Variants in RAD51C observed in about 807,000 individuals in gnomAD.
RAD51C encodes the protein DNA repair protein RAD51 homolog 3.
RAD51C carries 42 observed loss-of-function variants against 45.0 expected under a neutral mutation model. The observed-to-expected ratio is 0.93, with a 90% CI of 0.73 to 1.21. RAD51C has a LOEUF of 1.21. RAD51C is among the 50% of genes most tolerant of loss of function. The pLI, the probability that RAD51C is intolerant of heterozygous loss-of-function variation, is 0.00. For missense variants in RAD51C, 474 were observed against 452.2 expected, an observed-to-expected ratio of 1.05 and a Z score of -0.44; for synonymous variants, 172 against 159.8, an observed-to-expected ratio of 1.08 and a Z score of -0.58.
At chr17:58,710,691 G>A (rs540760047) in intron 5 of RAD51C, among the ~76,000 whole-genome samples, 3 of 152,220 alleles carry the variant, frequency 2.0e-5, no homozygotes, top group South Asian at 2.1e-4. Context: ...AAACATAACC[G>A]GTGTAAACAA....
chr17:58,706,275 A>T (rs1184296420), intron 4 of RAD51C, among the ~76,000 whole-genome samples: 1 of 151,802 alleles, frequency 6.6e-6, no homozygotes, highest in Non-Finnish European at 1.5e-5. Context: ...AAAAATACAA[A>T]AATTAGCCGG....
intron 2 of RAD51C, 71 bp downstream of exon 2, chr17:58,695,260 G>C (rs376780225): frequency 6.6e-7 from 1 of 1,522,744 alleles, no homozygotes; most frequent in Non-Finnish European, 8.8e-7. Context: ...TTGTACTATC[G>C]TCAGGAAACC....
intron 5 of RAD51C, among the ~76,000 whole-genome samples, chr17:58,716,594 C>G (rs1020678339): frequency 6.8e-6 from 1 of 147,588 alleles, no homozygotes; most frequent in African/African-American, 2.5e-5. Flanking sequence ...TCCCTAGTAG[C>G]TGGGACTACA....
chr17:58,719,811 C>T (rs905759847), intron 5 of RAD51C, among the ~76,000 whole-genome samples: 1 of 149,068 alleles, frequency 6.7e-6, no homozygotes, highest in Non-Finnish European at 1.5e-5. Context: ...TCACTGCAGG[C>T]TCTGCTCCCC....
chr17:58,704,260 G>C (rs1198012066), intron 4 of RAD51C, among the ~76,000 whole-genome samples: 3 of 151,636 alleles, frequency 2.0e-5, no homozygotes, highest in African/African-American at 7.3e-5. Context: ...TCCTTGGCTT[G>C]CCTTTATTTA....
chr17:58,701,245 CT>C (rs10716242), intron 3 of RAD51C, among the ~76,000 whole-genome samples: 152,001 of 152,008 alleles, frequency 1, 75,997 homozygotes, highest in Middle Eastern at 1. Context: ...TGGTGACTCA[CT>C]GCCTGTAATC....
At chr17:58,717,422 C>T (rs1489738174) in intron 5 of RAD51C, among the ~76,000 whole-genome samples, 4 of 151,618 alleles carry the variant, frequency 2.6e-5, no homozygotes, top group Non-Finnish European at 2.9e-5. Flanking sequence ...AGAGTGAGAC[C>T]CCATTTCTAA....
intron 3 of RAD51C, 152 bp from the exon 4 acceptor site, chr17:58,703,044 G>C (rs560449889): frequency 1.4e-5 from 11 of 807,006 alleles, no homozygotes; most frequent in African/African-American, 5.2e-5. Flanking sequence ...ATTATGAACT[G>C]TTTATAGTAA....
At chr17:58,707,258 C>T (rs1203129484) in intron 4 of RAD51C, among the ~76,000 whole-genome samples, 2 of 152,196 alleles carry the variant, frequency 1.3e-5, no homozygotes, top group African/African-American at 2.4e-5. Flanking sequence ...GTGGCTCACA[C>T]CTGTAATCCC....
At chr17:58,698,006 C>T (rs1292881005) in intron 3 of RAD51C, among the ~76,000 whole-genome samples, 1 of 151,844 alleles carries the variant, frequency 6.6e-6, no homozygotes, top group Non-Finnish European at 1.5e-5. Context: ...GCCACCGCAC[C>T]CGGCCAATTT....
chr17:58,710,328 A>AC (rs1373115182), intron 5 of RAD51C, among the ~76,000 whole-genome samples: 1 of 150,372 alleles, frequency 6.7e-6, no homozygotes, highest in Non-Finnish European at 1.5e-5. Flanking sequence ...AAAAAAAAAA[A>AC]AAAAAAAAAA....
intron 3 of RAD51C, chr17:58,700,261 G>C (rs1332247515): frequency 6.6e-6 from 1 of 151,992 alleles, no homozygotes; most frequent in Non-Finnish European, 1.5e-5. Context: ...TCCATCTTTT[G>C]TCAGTCCGAT....
At chr17:58,711,007 G>A (rs866514787) in intron 5 of RAD51C, among the ~76,000 whole-genome samples, 1 of 152,118 alleles carries the variant, frequency 6.6e-6, no homozygotes, top group South Asian at 2.1e-4. Flanking sequence ...AACTTCCTCA[G>A]TAAAGTCATT....
chr17:58,703,402 C>G (rs372386600), intron 4 of RAD51C, 73 bp downstream of exon 4: 1 of 1,503,908 alleles, frequency 6.6e-7, no homozygotes, highest in East Asian at 2.3e-5. Context: ...AAAAAATAAC[C>G]AGTACAGTAG....
rs1555594594 is a variant in RAD51C, at chr17:58,696,721, C to A, written c.433C>A (p.Pro145Thr). 6.2e-7 allele frequency: 1 copy of A among 1,614,086 alleles called. No homozygotes were observed. Among genetic ancestry groups the A allele is most frequent in the African/African-American group, 1.3e-5 (1 of 75,006 alleles). ...CMQLAVDVQI[P>T]ECFGGVAGEA... ...GCAGTTGGCAGTAGATGTGCAGATA[C>A]CAGAATGTTTTGGAGGAGTGGCAGG... Residue 145 changes from proline to threonine, a missense_variant, in exon 3 of 9, where the codon CCA becomes ACA. Transcript: ENST00000337432.
intron 1 of RAD51C, chr17:58,693,332 C>G (rs1008893686): frequency 8.5e-5 from 14 of 165,526 alleles, no homozygotes; most frequent in African/African-American, 3.1e-4. Context: ...ACTGAAACAC[C>G]CAAAACCTCA....
intron 3 of RAD51C, among the ~76,000 whole-genome samples, chr17:58,700,799 T>C (rs1331558552): frequency 6.6e-6 from 1 of 152,216 alleles, no homozygotes; most frequent in East Asian, 1.9e-4. Context: ...AAAATTTGAC[T>C]CTGCTAAGTG....
intron 6 of RAD51C, among the ~76,000 whole-genome samples, chr17:58,722,786 G>A (rs1431572767): frequency 6.6e-6 from 1 of 152,184 alleles, no homozygotes; most frequent in East Asian, 1.9e-4. Flanking sequence ...AATTTGGCCA[G>A]GATGCACATC....
chr17:58,720,425 A>T (rs912482664), intron 5 of RAD51C, among the ~76,000 whole-genome samples: 25 of 147,568 alleles, frequency 1.7e-4, no homozygotes, highest in Non-Finnish European at 3.2e-4. Context: ...CAAAAAAAAA[A>T]ATAAAATAAA....
Sources: gnomAD v4.1 joint callset for allele counts (sites outside exome capture counted in the v4.1 genomes callset) on GRCh38, gnomAD v4.1.1 for gene constraint, MANE v1.5 for transcripts, NCBI Gene and HGNC (gene_info 2026-07-23, HGNC 2026-07-21) for gene names.